SPATA13: variants seen among roughly 807,000 people sequenced by gnomAD.
SPATA13 encodes the protein spermatogenesis-associated protein 13.
Under a neutral mutation model 104.0 loss-of-function variants are expected in SPATA13, and 50 were observed. The observed-to-expected ratio is 0.48, with a 90% CI of 0.38 to 0.61. The LOEUF (loss-of-function observed/expected upper bound fraction) is 0.61, where lower values mean the gene tolerates loss of function less well. Ranked by LOEUF, SPATA13 falls within the 20% of genes least tolerant of loss-of-function variation. The pLI is 0.00. For missense variants in SPATA13, 1,524 were observed against 1,690.6 expected (o/e 0.90, Z 1.73); for synonymous variants, 606 against 667.5 (o/e 0.91, Z 1.42).
At chr13:24,068,128 T>C (rs1335770000) in intron 3 of SPATA13, among the ~76,000 whole-genome samples, 6 of 152,200 alleles carry the variant, frequency 3.9e-5, no homozygotes, top group African/African-American at 1.4e-4. Flanking sequence ...AAGTGGCCAT[T>C]AGTTACTTTG....
At chr13:24,259,350 A>C (rs1280789537) in intron 4 of SPATA13, among the ~76,000 whole-genome samples, 2 of 152,230 alleles carry the variant, frequency 1.3e-5, no homozygotes, top group Non-Finnish European at 2.9e-5. Flanking sequence ...TCCCCAAAAC[A>C]GCCCCCAGAG....
intron 2 of SPATA13, among the ~76,000 whole-genome samples, chr13:23,992,385 G>T (rs913311036): frequency 2.6e-5 from 4 of 152,178 alleles, no homozygotes; most frequent in Middle Eastern, 3.2e-3. Flanking sequence ...CTGTAGTAAA[G>T]CCCAACATTT....
chr13:24,058,237 A>G (rs542237415), intron 3 of SPATA13, among the ~76,000 whole-genome samples: 3 of 152,024 alleles, frequency 2.0e-5, no homozygotes, highest in African/African-American at 7.2e-5. Context: ...GAAGGATTCT[A>G]GTGTTGAAAA....
At chr13:24,028,705 A>G (rs1877343292) in intron 3 of SPATA13, among the ~76,000 whole-genome samples, 1 of 152,216 alleles carries the variant, frequency 6.6e-6, no homozygotes, top group Non-Finnish European at 1.5e-5. Flanking sequence ...TAGAATTCCA[A>G]TTGAATGTTT....
At chr13:23,993,976 T>G (rs1394928647) in intron 2 of SPATA13, among the ~76,000 whole-genome samples, 1 of 126,682 alleles carries the variant, frequency 7.9e-6, no homozygotes, top group Non-Finnish European at 1.7e-5. Context: ...TGGTGTTTTT[T>G]TTTTTTTTTC....
At chr13:24,018,341 G>A (rs780383948) in intron 3 of SPATA13, among the ~76,000 whole-genome samples, 1 of 152,114 alleles carries the variant, frequency 6.6e-6, no homozygotes, top group Non-Finnish European at 1.5e-5. Flanking sequence ...GCAAAAGATC[G>A]TTTTTTCCAT....
chr13:24,010,246 T>G (rs1428255173), intron 2 of SPATA13, among the ~76,000 whole-genome samples: 4 of 152,210 alleles, frequency 2.6e-5, no homozygotes. Context: ...TCAGCGAATC[T>G]GCATTTTTAT....
chr13:24,070,816 T>G (rs1246091988), intron 3 of SPATA13, among the ~76,000 whole-genome samples: 1 of 152,024 alleles, frequency 6.6e-6, no homozygotes, highest in East Asian at 1.9e-4. Flanking sequence ...ACGTCTGGTT[T>G]TTTTCTGCCT....
intron 1 of SPATA13, among the ~76,000 whole-genome samples, chr13:23,981,414 C>A (rs9507205): frequency 0.33 from 50,629 of 152,086 alleles, 8,716 homozygotes; most frequent in Middle Eastern, 0.46. Flanking sequence ...CTACTATGTG[C>A]TGTGTACAGT....
At chr13:24,290,976 G>A in intron 9 of SPATA13, 92 bp downstream of exon 9, 1 of 1,023,948 alleles carries the variant, frequency 9.8e-7, no homozygotes, top group Non-Finnish European at 1.4e-6. Context: ...GTGGGCTTCA[G>A]TGTCAGCCTT....
intron 1 of SPATA13, among the ~76,000 whole-genome samples, chr13:24,178,901 G>A (rs12584764): frequency 3.3e-5 from 5 of 152,190 alleles, no homozygotes; most frequent in African/African-American, 7.2e-5. Context: ...CATCCCCTCC[G>A]AAAGGAAACC....
intron 11 of SPATA13, among the ~76,000 whole-genome samples, 199 bp downstream of exon 11, chr13:24,297,934 G>T (rs368258045): frequency 8.5e-5 from 13 of 152,156 alleles, no homozygotes. Context: ...AGTTACTACC[G>T]GCAACATTTA....
At chr13:24,001,040 T>C (rs1283025896) in intron 2 of SPATA13, among the ~76,000 whole-genome samples, 1 of 152,124 alleles carries the variant, frequency 6.6e-6, no homozygotes, top group Non-Finnish European at 1.5e-5. Flanking sequence ...TTCCCCCTTG[T>C]TCACTCCCCT....
At chr13:24,013,409 G>A (rs1876567744) in intron 2 of SPATA13, among the ~76,000 whole-genome samples, 1 of 152,108 alleles carries the variant, frequency 6.6e-6, no homozygotes. Context: ...CAGCTCTGGG[G>A]CCCATGGGCA....
At chr13:24,083,888 G>A (rs189639513) in intron 3 of SPATA13, among the ~76,000 whole-genome samples, 70 of 152,288 alleles carry the variant, frequency 4.6e-4, no homozygotes, top group African/African-American at 1.7e-3. Context: ...AGATGCAGGT[G>A]CTCTTCTGAC....
At chr13:24,029,679 C>T (rs1057185104) in intron 3 of SPATA13, among the ~76,000 whole-genome samples, 1 of 152,040 alleles carries the variant, frequency 6.6e-6, no homozygotes, top group African/African-American at 2.4e-5. Context: ...AATACACACA[C>T]TTGTGTCATG....
intron 3 of SPATA13, among the ~76,000 whole-genome samples, chr13:24,068,964 T>TCCCCC (rs1879065524): frequency 6.6e-6 from 1 of 152,194 alleles, no homozygotes; most frequent in Non-Finnish European, 1.5e-5. Context: ...AGGTTGTTTG[T>TCCCCC]TCACTCTGTT....
intron 2 of SPATA13, among the ~76,000 whole-genome samples, chr13:24,001,226 C>T (rs923755194): frequency 1.4e-4 from 21 of 152,174 alleles, no homozygotes; most frequent in Middle Eastern, 3.4e-3. Context: ...TACAAGAACA[C>T]GGGGGAAAGT....
At chr13:24,261,989 A>G (rs1430193954) in intron 4 of SPATA13, among the ~76,000 whole-genome samples, 1 of 152,244 alleles carries the variant, frequency 6.6e-6, no homozygotes, top group African/African-American at 2.4e-5. Context: ...TATTTTGTCT[A>G]TGTATTACCA....
Sources: allele counts gnomAD v4.1 joint callset (sites outside exome capture counted in the v4.1 genomes callset), GRCh38; gene constraint gnomAD v4.1.1; transcripts MANE v1.5; gene names NCBI Gene and HGNC (gene_info 2026-07-23, HGNC 2026-07-21).